The following TTC28 variants were observed in gnomAD, a reference collection of about 807,000 sequenced individuals.
The protein encoded by TTC28 is tetratricopeptide repeat domain 28, also known as tetratricopeptide repeat protein 28.
In TTC28, 61 loss-of-function variants were observed where a neutral mutation model predicts 198.0. That is an observed-to-expected ratio of 0.31 (90% CI 0.25 to 0.38). TTC28 has a LOEUF of 0.38. Ranked by LOEUF, TTC28 falls within the 10% of genes least tolerant of loss-of-function variation. The pLI is 1.00. For synonymous variants in TTC28, 1,171 were observed against 1,297.8 expected, an observed-to-expected ratio of 0.90 and a Z score of 2.10; for missense variants, 2,678 against 3,164.0, an observed-to-expected ratio of 0.85 and a Z score of 3.69.
intron 3 of TTC28, among the ~76,000 whole-genome samples, chr22:28,300,974 T>C (rs1182875229): frequency 6.6e-6 from 1 of 152,224 alleles, no homozygotes; most frequent in East Asian, 1.9e-4. Flanking sequence ...AAACTGGTGA[T>C]TGTTACACAA....
intron 14 of TTC28, among the ~76,000 whole-genome samples, chr22:28,010,613 T>C (rs1329512498): frequency 6.6e-6 from 1 of 152,128 alleles, no homozygotes; most frequent in African/African-American, 2.4e-5. Context: ...CCTCGGCCAG[T>C]GAAACCATGC....
intron 17 of TTC28, among the ~76,000 whole-genome samples, chr22:27,994,927 CAGT>C (rs1284761455): frequency 6.6e-6 from 1 of 152,164 alleles, no homozygotes; most frequent in Non-Finnish European, 1.5e-5. Context: ...TACAGGGTAA[CAGT>C]GGAGAGGGCC....
chr22:28,027,556 C>T (rs1938885514), intron 13 of TTC28, among the ~76,000 whole-genome samples: 1 of 152,254 alleles, frequency 6.6e-6, no homozygotes. Flanking sequence ...CATAAAATCA[C>T]TGAGCTGGAG....
intron 2 of TTC28, among the ~76,000 whole-genome samples, chr22:28,537,019 C>G (rs1476614365): frequency 6.6e-6 from 1 of 151,712 alleles, no homozygotes; most frequent in Admixed American, 6.6e-5. Flanking sequence ...ATTGGCCGGG[C>G]GCGGTGGCTC....
chr22:28,360,712 CTTTG>C (rs2046145384), intron 2 of TTC28, among the ~76,000 whole-genome samples: 1 of 152,140 alleles, frequency 6.6e-6, no homozygotes, highest in African/African-American at 2.4e-5. Flanking sequence ...TATAGGCATA[CTTTG>C]TTTTACTGCA....
chr22:28,049,066 T>C (rs1166474353), intron 12 of TTC28, among the ~76,000 whole-genome samples: 1 of 152,186 alleles, frequency 6.6e-6, no homozygotes, highest in African/African-American at 2.4e-5. Flanking sequence ...CCTGATTGCA[T>C]GGACAGGTGT....
chr22:28,052,106 A>G (rs79111949), intron 12 of TTC28, among the ~76,000 whole-genome samples: 2 of 152,206 alleles, frequency 1.3e-5, no homozygotes, highest in Non-Finnish European at 2.9e-5. Flanking sequence ...AAGAGATGGA[A>G]TTTGTATTTC....
Position 27,982,013 on chromosome 22 carries a change from C to A in TTC28, c.*208G>T. On this transcript the variant is annotated 3_prime_UTR_variant, in exon 23 of 23. Coordinates refer to ENST00000397906, the MANE Select transcript of TTC28 (RefSeq NM_001145418.2). This position sits in a 1 kb window ranked among gnomAD's most constrained non-coding sequence, Gnocchi z 5.2. ...TTCCATGAGCCTCCTGTACCAGCCC[C>A]ACAGAAGTCCTGGCTTTTGGTGAAT... 2.1e-6 allele frequency: 1 copy of A among 485,980 alleles called. No homozygotes were observed. Among genetic ancestry groups the A allele is most frequent in the South Asian group, 5.6e-5 (1 of 17,758 alleles). The allele number at this position is 485,980 out of a possible 1,614,324, so 30.1% of individuals were successfully genotyped here.
intron 2 of TTC28, among the ~76,000 whole-genome samples, chr22:28,341,095 C>A (rs184228140): frequency 2.6e-5 from 4 of 152,278 alleles, no homozygotes; most frequent in African/African-American, 9.6e-5. Context: ...CCCTAAGGAT[C>A]CTAAGATGCA....
rs1393196743 is a variant in TTC28 at position 28,222,712 on chromosome 22, T to C, written c.934-59113A>G. Among the ~76,000 whole-genome samples, 8 of 152,324 alleles carry C rather than the reference T, an allele frequency of 5.3e-5. No homozygotes were observed. The East Asian group carries it at 1.2e-3, about 22-fold the overall frequency. On this transcript the variant is annotated intron_variant, in intron 5 of 22. Transcript: ENST00000397906. ...AGACATGCACAACAGTATCAGTCAATTCTCTTCTATGGTGAAAGATTTTAA... is the reference window on the plus strand; with the variant it reads ...AGACATGCACAACAGTATCAGTCAACTCTCTTCTATGGTGAAAGATTTTAA...
At chr22:28,319,390 T>A (rs1460415289) in intron 2 of TTC28, among the ~76,000 whole-genome samples, 2 of 152,204 alleles carry the variant, frequency 1.3e-5, no homozygotes, top group African/African-American at 4.8e-5. Context: ...GAGGGACTAT[T>A]CCAAGAATTG....
chr22:28,650,095 A>G (rs1170731344), intron 1 of TTC28, among the ~76,000 whole-genome samples: 1 of 152,128 alleles, frequency 6.6e-6, no homozygotes, highest in Non-Finnish European at 1.5e-5. Context: ...CACACATCAA[A>G]GACTTTAACT....
chr22:28,040,638 G>A (rs1939590184), intron 12 of TTC28, among the ~76,000 whole-genome samples: 1 of 152,104 alleles, frequency 6.6e-6, no homozygotes, highest in African/African-American at 2.4e-5. Flanking sequence ...CATACCGAAT[G>A]GGCAAAAACT....
intron 5 of TTC28, among the ~76,000 whole-genome samples, chr22:28,168,341 CA>C (rs1237923437): frequency 6.6e-6 from 1 of 151,998 alleles, no homozygotes; most frequent in African/African-American, 2.4e-5. Context: ...CATATGGAAC[CA>C]AAAAAGAGCC....
chr22:28,451,285 G>A (rs73428082), intron 2 of TTC28, among the ~76,000 whole-genome samples: 11,083 of 152,162 alleles, frequency 0.073, 673 homozygotes, highest in African/African-American at 0.17. Context: ...TCATGTCTTC[G>A]CAGAAGGGGT....
At chr22:28,496,767 C>T (rs939260774) in intron 2 of TTC28, among the ~76,000 whole-genome samples, 7 of 152,130 alleles carry the variant, frequency 4.6e-5, no homozygotes, top group East Asian at 3.9e-4. Context: ...GTCACTCCTC[C>T]GCTTAGAAGA....
At chr22:28,432,201 G>T (rs905708798) in intron 2 of TTC28, among the ~76,000 whole-genome samples, 1 of 151,250 alleles carries the variant, frequency 6.6e-6, no homozygotes. Context: ...CAGAAGAATG[G>T]CGTGAACCTG....
At chr22:28,330,954 A>G (rs1453478486) in intron 2 of TTC28, among the ~76,000 whole-genome samples, 1 of 152,098 alleles carries the variant, frequency 6.6e-6, no homozygotes, top group Non-Finnish European at 1.5e-5. Context: ...TGCTTTAAGC[A>G]TTTTTTCCGT....
At chr22:28,506,728 T>C (rs1464629332) in intron 2 of TTC28, among the ~76,000 whole-genome samples, 1 of 152,194 alleles carries the variant, frequency 6.6e-6, no homozygotes, top group Non-Finnish European at 1.5e-5. Flanking sequence ...ATCTTTGCTG[T>C]TTCACAGCCT....
Sources: allele counts gnomAD v4.1 joint callset (sites outside exome capture counted in the v4.1 genomes callset), GRCh38; gene constraint gnomAD v4.1.1; non-coding constraint Gnocchi (gnomAD v3.1); transcripts MANE v1.5; gene names NCBI Gene and HGNC (gene_info 2026-07-23, HGNC 2026-07-21).